ASXL3: variants seen among roughly 807,000 people sequenced by gnomAD.
The protein encoded by ASXL3 is putative Polycomb group protein ASXL3.
ASXL3 carries 34 observed loss-of-function variants against 170.6 expected under a neutral mutation model. That is an observed-to-expected ratio of 0.20 (90% confidence interval 0.15 to 0.27). The LOEUF (loss-of-function observed/expected upper bound fraction) is 0.27. ASXL3 is among the 10% of genes least tolerant of loss of function. The pLI is 1.00. For synonymous variants in ASXL3, 1,002 were observed against 989.1 expected (o/e 1.01, Z -0.24); for missense variants, 2,592 against 2,695.3 (o/e 0.96, Z 0.85).
intron 1 of ASXL3, among the ~76,000 whole-genome samples, chr18:33,603,301 G>A (rs981892120): frequency 6.6e-6 from 1 of 151,934 alleles, no homozygotes; most frequent in Non-Finnish European, 1.5e-5. Context: ...GGGCCAGAAA[G>A]GTACTTAAGG....
At chr18:33,623,288 T>C (rs1330969349) in intron 2 of ASXL3, among the ~76,000 whole-genome samples, 1 of 152,184 alleles carries the variant, frequency 6.6e-6, no homozygotes, top group Non-Finnish European at 1.5e-5. Context: ...TGCAGTTTGC[T>C]TAATTGGTAG....
In ASXL3 at chr18:33,593,258, CT is replaced by C. The variant is rs34699815; in HGVS notation, c.55-14313del. Among the ~76,000 whole-genome samples, 590 of 87,924 alleles carry C rather than the reference CT, an allele frequency of 6.7e-3. 2 individuals carry two copies. The highest frequency in any genetic ancestry group is 0.014 in the Middle Eastern group (2 of 138). 57.7% of individuals were successfully genotyped at this position (87,924 alleles called of 152,430 possible). On this transcript the variant is annotated intron_variant, in intron 1 of 11. Transcript: ENST00000269197. ...CTTTTCTTTCTCCCCCTATGCCCAC[CT>C]TTTTTTTTTTTTTTTTTTTTTTGGC...
chr18:33,743,623 G>A lies in ASXL3; in HGVS notation c.3775G>A (p.Asp1259Asn), dbSNP rs1254532326. Residue 1259 changes from aspartate (D) to asparagine (N), a missense_variant, in exon 12 of 12, where the codon GAT (aspartate) becomes AAT (asparagine). Physicochemically the swap from Asp to Asn is conservative, Grantham distance 23. Around this residue, in one of 4 missense-constraint regions of ASXL3, gnomAD observed 2,246 missense variants for 2,219.6 expected, o/e 1.01. Transcript: ENST00000269197. The part of the protein sequence containing the change: ...IKEHPFVSSV[D>N]KSSVLMSVDS... ...AGAACATCCCTTTGTGAGTTCTGTT[G>A]ATAAATCCTCTGTCCTAATGTCTGT... 31 of 1,613,390 alleles carry A rather than the reference G, an allele frequency of 1.9e-5. No homozygotes were observed. The highest frequency in any genetic ancestry group is 2.6e-5 in the Non-Finnish European group (31 of 1,179,874).
chr18:33,687,666 G>T (rs1169474245), intron 8 of ASXL3, among the ~76,000 whole-genome samples: 1 of 152,084 alleles, frequency 6.6e-6, no homozygotes, highest in African/African-American at 2.4e-5. Context: ...ATCTTTTTGG[G>T]TGTTTTGTTT....
intron 9 of ASXL3, 52 bp downstream of exon 9, chr18:33,732,116 A>G (rs1198387716): frequency 7.1e-7 from 1 of 1,411,324 alleles, no homozygotes; most frequent in Admixed American, 1.9e-5. Context: ...CACATACCGT[A>G]CTGAGCTTGT....
chr18:33,726,825 G>T (rs915455645), intron 8 of ASXL3, among the ~76,000 whole-genome samples: 1 of 152,154 alleles, frequency 6.6e-6, no homozygotes, highest in Non-Finnish European at 1.5e-5. Context: ...GGAGAAGGCA[G>T]TCTGTATAGT....
chr18:33,587,115 C>G (rs955413830), intron 1 of ASXL3, among the ~76,000 whole-genome samples: 1 of 152,166 alleles, frequency 6.6e-6, no homozygotes, highest in Admixed American at 6.5e-5. Context: ...TGAATCATTC[C>G]TGTTTAAAAC....
chr18:33,743,882 C>G lies in ASXL3; in HGVS notation c.4034C>G (p.Ser1345Cys). Residue 1345 changes from serine to cysteine, a missense_variant, in exon 12 of 12, where the codon TCC becomes TGC. This residue lies in a region of ASXL3 where 2,246 missense variants were observed against 2,219.6 expected (regional missense o/e 1.01). Transcript: ENST00000269197. Reference sequence around the variant, plus strand: ...CAGTACACCTCTGTGCCAACTCCCTCCATCGGAAACAATTTGCCAAACCTC... The same window carrying G: ...CAGTACACCTCTGTGCCAACTCCCTGCATCGGAAACAATTTGCCAAACCTC... ...STQYTSVPTP[S>C]IGNNLPNLST... is the part of the protein sequence containing the mutation. 1 of 1,614,032 alleles carries G rather than the reference C, an allele frequency of 6.2e-7. No individual in the cohort carries two copies. The highest frequency in any genetic ancestry group is 2.2e-5 in the East Asian group (1 of 44,868).
chr18:33,651,965 T>A (rs1027502475), intron 4 of ASXL3, among the ~76,000 whole-genome samples: 1 of 152,106 alleles, frequency 6.6e-6, no homozygotes, highest in African/African-American at 2.4e-5. Context: ...GAACTATGGT[T>A]ATGTGTTTCT....
At position 33,746,080 on chromosome 18, in the gene ASXL3, A is replaced by G. The variant is rs765213556; in HGVS notation, c.6232A>G (p.Asn2078Asp). 3.1e-6 allele frequency: 5 copies of G among 1,613,406 alleles called. No individual in the cohort carries two copies. The highest frequency in any genetic ancestry group is 2.7e-5 in the African/African-American group (2 of 74,834). ...SWPQSTGICS[N>D]IKSEPLSFEE... ...GCCACAGTCCACGGGCATATGTAGC[A>G]ATATAAAATCGGAACCTCTTTCTTT... The change falls in exon 12 of 12, where the codon AAT (asparagine) becomes GAT (aspartate). Residue 2078 changes from asparagine (N) to aspartate (D), a missense_variant. This residue lies in a region of ASXL3 where 2,246 missense variants were observed against 2,219.6 expected (regional missense o/e 1.01). Transcript: ENST00000269197.
Position 33,643,854 on chromosome 18 carries a change from C to A in ASXL3, c.138-1040C>A, listed in dbSNP as rs899169482. 5.3e-4 allele frequency among the ~76,000 whole-genome samples: 80 copies of A among 151,738 alleles called. 1 individual carries two copies. Among genetic ancestry groups the A allele is most frequent in the Admixed American group, 1.5e-3 (23 of 15,186 alleles). On this transcript the variant is annotated intron_variant, in intron 2 of 11. Coordinates refer to ENST00000269197, the MANE Select transcript of ASXL3 (RefSeq NM_030632.3). ...TTGTCTCAGAATGTGAATTAAATAC[C>A]CATAATTCCTAAGAAGCATGTGAGT...
At chr18:33,676,505 TGAAAC>T (rs1204359294) in intron 7 of ASXL3, among the ~76,000 whole-genome samples, 1 of 152,158 alleles carries the variant, frequency 6.6e-6, no homozygotes, top group African/African-American at 2.4e-5. Context: ...GAGGTTATAA[TGAAAC>T]AAAACAAAAC....
intron 5 of ASXL3, among the ~76,000 whole-genome samples, chr18:33,665,272 A>C (rs1475703679): frequency 6.6e-6 from 1 of 152,188 alleles, no homozygotes; most frequent in African/African-American, 2.4e-5. Flanking sequence ...GTTTATTCAT[A>C]AAGTTGCAGA....
At chr18:33,610,916 TATG>T (rs1195690369) in intron 2 of ASXL3, among the ~76,000 whole-genome samples, 75 of 152,122 alleles carry the variant, frequency 4.9e-4, no homozygotes, top group African/African-American at 1.6e-3. Flanking sequence ...CAACTAAAGT[TATG>T]GTGCTGTTGC....
At chr18:33,633,233 T>G (rs1264145534) in intron 2 of ASXL3, among the ~76,000 whole-genome samples, 1 of 152,204 alleles carries the variant, frequency 6.6e-6, no homozygotes, top group Non-Finnish European at 1.5e-5. Context: ...AATACAATCT[T>G]TTTATTTATT....
chr18:33,745,675 C>A lies in ASXL3; in HGVS notation c.5827C>A (p.Pro1943Thr). ...GCCTGTGGCTGCCAGGGGCCCCATT[C>A]CTACTGCAGCTCTGTTACAGGCCTC... ...QMPVAARGPI[P>T]TAALLQASSK... is the part of the protein sequence containing the mutation. The change falls in exon 12 of 12, where the codon CCT becomes ACT. Residue 1943 changes from proline to threonine, a missense_variant. Pro to Thr is a conservative substitution (Grantham distance 38). Coordinates refer to ENST00000269197, the MANE Select transcript of ASXL3 (RefSeq NM_030632.3). 2 of 1,613,996 alleles carry A rather than the reference C, an allele frequency of 1.2e-6. No individual in the cohort carries two copies. The highest frequency in any genetic ancestry group is 1.7e-6 in the Non-Finnish European group (2 of 1,179,898).
intron 8 of ASXL3, among the ~76,000 whole-genome samples, chr18:33,704,766 C>A (rs967006513): frequency 6.6e-6 from 1 of 151,550 alleles, no homozygotes; most frequent in African/African-American, 2.4e-5. Flanking sequence ...TATTTTAGTA[C>A]CAAGATCCTG....
At chr18:33,586,479 GTC>G (rs1216062669) in intron 1 of ASXL3, among the ~76,000 whole-genome samples, 1 of 150,672 alleles carries the variant, frequency 6.6e-6, no homozygotes, top group Admixed American at 6.6e-5. Flanking sequence ...TTCATTTCTT[GTC>G]TCTCTCATTT....
chr18:33,699,880 AT>A (rs1170951185), intron 8 of ASXL3, among the ~76,000 whole-genome samples: 1 of 151,896 alleles, frequency 6.6e-6, no homozygotes, highest in African/African-American at 2.4e-5. Flanking sequence ...ATTATACATT[AT>A]TTTTTATTTA....
Sources: gnomAD v4.1 joint callset for allele counts (sites outside exome capture counted in the v4.1 genomes callset) on GRCh38, gnomAD v4.1.1 for gene constraint, gnomAD v4.1.1 regional missense constraint, MANE v1.5 for transcripts, NCBI Gene and HGNC (gene_info 2026-07-23, HGNC 2026-07-21) for gene names.